AKNA: variants seen among roughly 807,000 people sequenced by gnomAD.
The protein encoded by AKNA is AT-hook transcription factor.
AKNA carries 67 observed loss-of-function variants against 138.8 expected under a neutral mutation model. That is an observed-to-expected ratio of 0.48 (90% confidence interval 0.40 to 0.59). The LOEUF is 0.59. Ranked by LOEUF, AKNA falls within the 20% of genes least tolerant of loss-of-function variation. AKNA has a pLI of 0.00. For synonymous variants in AKNA, 737 were observed against 754.4 expected (o/e 0.98, Z 0.38); for missense variants, 1,813 against 1,880.4 (o/e 0.96, Z 0.66).
upstream of AKNA, among the ~76,000 whole-genome samples, chr9:114,388,583 G>A (rs76563202): frequency 3.4e-3 from 513 of 152,320 alleles, 15 homozygotes; most frequent in East Asian, 0.046. Context: ...TGAACCTGGC[G>A]GATCAGGTAA....
intron 6 of AKNA, among the ~76,000 whole-genome samples, 178 bp from the exon 7 acceptor site, chr9:114,364,797 T>C (rs1832224192): frequency 6.6e-6 from 1 of 152,138 alleles, no homozygotes; most frequent in Non-Finnish European, 1.5e-5. Context: ...CCAGGCATGG[T>C]AGCCTTGAGA....
chr9:114,337,013 G>GGGGGGGGC lies in AKNA; in HGVS notation c.*40_*41insGCCCCCCC. 3.4e-6 allele frequency: 4 copies of GGGGGGGGC among 1,185,368 alleles called. No individual in the cohort carries two copies. The highest frequency in any genetic ancestry group is 4.0e-5 in the Admixed American group (1 of 25,086). 73.4% of individuals were successfully genotyped at this position (1,185,368 alleles called of 1,614,324 possible). ...CCACTCCTGGCCTGGCAGGCCACCT[G>GGGGGGGGC]CCCACCCACCCACCCATCTGCCTCT... On this transcript the variant is annotated 3_prime_UTR_variant, in exon 22 of 22. Coordinates refer to ENST00000374088, the MANE Select transcript of AKNA (RefSeq NM_001317950.2).
At chr9:114,386,111 C>G (rs1283333200) in intron 1 of AKNA, among the ~76,000 whole-genome samples, 1 of 152,210 alleles carries the variant, frequency 6.6e-6, no homozygotes, top group African/African-American at 2.4e-5. Flanking sequence ...CTCTCTCCTC[C>G]TCCCTGAGGT....
At position 114,381,399 on chromosome 9, in the gene AKNA, C is replaced by T; in HGVS notation, c.-66G>A. 1 of 1,459,106 alleles carries T rather than the reference C, an allele frequency of 6.9e-7. No individual in the cohort carries two copies. The highest frequency in any genetic ancestry group is 9.0e-7 in the Non-Finnish European group (1 of 1,109,458). The allele number at this position is 1,459,106 out of a possible 1,614,324, so 90.4% of individuals were successfully genotyped here. ...GGAGACAGAGCTGCTGCCAGGGGCC[C>T]CAGAGTCACCGCTGGTTCCTGTCAG... On this transcript the variant is annotated 5_prime_UTR_variant, in exon 2 of 22. Coordinates refer to ENST00000374088, the MANE Select transcript of AKNA (RefSeq NM_001317950.2).
upstream of AKNA, among the ~76,000 whole-genome samples, chr9:114,391,186 G>A (rs944926001): frequency 6.6e-5 from 10 of 152,218 alleles, no homozygotes; most frequent in African/African-American, 2.4e-4. Context: ...AAGGTGATGA[G>A]CTGCAGTAGA....
intron 14 of AKNA, among the ~76,000 whole-genome samples, chr9:114,354,451 C>T (rs933682586): frequency 1.3e-5 from 2 of 152,172 alleles, no homozygotes; most frequent in Admixed American, 6.5e-5. Flanking sequence ...CGGTGGCTCA[C>T]GCCTGTAATC....
chr9:114,331,172 A>C (rs560641150), downstream of AKNA, among the ~76,000 whole-genome samples: 1 of 152,098 alleles, frequency 6.6e-6, no homozygotes, highest in South Asian at 2.1e-4. Flanking sequence ...TCCTTTGCAA[A>C]CCAATGGTAG....
chr9:114,359,938 T>G lies in AKNA; in HGVS notation c.2249A>C (p.Lys750Thr). ...GTAAACTTGCTCCATCTGCAGCTCCTTGTGCCTGAGTCGGGCCAGGGGGTC... is the reference window on the plus strand; with the variant it reads ...GTAAACTTGCTCCATCTGCAGCTCCGTGTGCCTGAGTCGGGCCAGGGGGTC... Reference protein sequence around the residue: ...PQDPLARLRHKELQMEQVYHG... With the variant: ...PQDPLARLRHTELQMEQVYHG... The change falls in exon 10 of 22, where the codon AAG (lysine) becomes ACG (threonine). Residue 750 changes from lysine (K) to threonine (T), a missense_variant. Coordinates refer to ENST00000374088, the MANE Select transcript of AKNA (RefSeq NM_001317950.2). 2 of 1,614,224 alleles carry G rather than the reference T, an allele frequency of 1.2e-6. No individual in the cohort carries two copies. The highest frequency in any genetic ancestry group is 1.7e-6 in the Non-Finnish European group (2 of 1,180,020).
chr9:114,386,713 CTGAGGTGTCTATCTTCA>C (rs1478983212), intron 1 of AKNA, among the ~76,000 whole-genome samples: 2 of 152,168 alleles, frequency 1.3e-5, no homozygotes, highest in African/African-American at 4.8e-5. Flanking sequence ...TAACAGACCC[CTGAGGTGTCTATCTTCA>C]GTTCCTGGGT....
At chr9:114,366,596 G>A (rs1167180606) in intron 6 of AKNA, among the ~76,000 whole-genome samples, 1 of 151,598 alleles carries the variant, frequency 6.6e-6, no homozygotes, top group Non-Finnish European at 1.5e-5. Flanking sequence ...AACCGCTGAA[G>A]CAAGCAAACA....
chr9:114,388,485 C>T (rs1025714659), upstream of AKNA, among the ~76,000 whole-genome samples: 1 of 152,186 alleles, frequency 6.6e-6, no homozygotes, highest in Non-Finnish European at 1.5e-5. Context: ...TCAGGGAGAC[C>T]GTGGTGATTC....
intron 7 of AKNA, 143 bp from the exon 8 acceptor site, chr9:114,362,676 G>A (rs1260610126): frequency 4.3e-6 from 5 of 1,166,822 alleles, no homozygotes; most frequent in Non-Finnish European, 5.7e-6. Flanking sequence ...GGCTGAGGTT[G>A]AGATCTCTGG....
At chr9:114,342,182 A>G in intron 19 of AKNA, 57 bp from the exon 20 acceptor site, 1 of 1,332,346 alleles carries the variant, frequency 7.5e-7, no homozygotes, top group Non-Finnish European at 1.0e-6. Context: ...TCAGATCAGG[A>G]GCCCCCATGC....
At chr9:114,331,186 C>G (rs1325137714), downstream of AKNA, among the ~76,000 whole-genome samples, 1 of 152,076 alleles carries the variant, frequency 6.6e-6, no homozygotes, top group Non-Finnish European at 1.5e-5. Flanking sequence ...ATGGTAGAAG[C>G]CTGTATGTTG....
chr9:114,344,320 T>C (rs910293330), intron 18 of AKNA: 1 of 157,738 alleles, frequency 6.3e-6, no homozygotes, highest in Admixed American at 6.0e-5. Context: ...CACAGGCTTG[T>C]TGGGAGAACT....
At chr9:114,397,414 TCTC>T (rs935477323), upstream of AKNA, among the ~76,000 whole-genome samples, 2 of 152,190 alleles carry the variant, frequency 1.3e-5, no homozygotes, top group Non-Finnish European at 2.9e-5. Flanking sequence ...GCCCATTTCT[TCTC>T]CTTCTGTTCT....
At chr9:114,330,865 G>T (rs1393537886), downstream of AKNA, 1 of 1,613,016 alleles carries the variant, frequency 6.2e-7, no homozygotes. Flanking sequence ...CAGATACGGT[G>T]AGGGCCAGCC....
rs1027353517 is a variant in AKNA at position 114,346,138 on chromosome 9, G to A, written c.3515-129C>T. On this transcript the variant is annotated intron_variant, in intron 17 of 21. Coordinates refer to ENST00000374088, the MANE Select transcript of AKNA (RefSeq NM_001317950.2). Reference sequence around the variant, plus strand: ...TTTTAATCCCCAGTCTCCCCCTTAGGAGTAACAGCTGGCATTTCCAGAACC... The same window carrying A: ...TTTTAATCCCCAGTCTCCCCCTTAGAAGTAACAGCTGGCATTTCCAGAACC... The A allele has an allele frequency of 3.2e-6, 3 of 925,504 alleles. No homozygotes were observed. The African/African-American group carries it at 4.9e-5, about 15-fold the overall frequency. The allele number at this position is 925,504 out of a possible 1,614,324, so 57.3% of individuals were successfully genotyped here.
chr9:114,386,360 G>C (rs1026815830), intron 1 of AKNA, among the ~76,000 whole-genome samples: 2 of 152,214 alleles, frequency 1.3e-5, no homozygotes, highest in Non-Finnish European at 2.9e-5. Context: ...GAAGACTGGG[G>C]AGGGCATTCC....
Sources: allele counts gnomAD v4.1 joint callset (sites outside exome capture counted in the v4.1 genomes callset), GRCh38; gene constraint gnomAD v4.1.1; transcripts MANE v1.5; gene names NCBI Gene and HGNC (gene_info 2026-07-23, HGNC 2026-07-21).